Variants in PDZRN3 observed in about 807,000 individuals in gnomAD.
PDZRN3 encodes E3 ubiquitin-protein ligase PDZRN3.
A neutral mutation model predicts 85.7 loss-of-function variants in PDZRN3; 38 were observed. That is an observed-to-expected ratio of 0.44 (90% confidence interval 0.34 to 0.58). The LOEUF is 0.58. Ranked by LOEUF, PDZRN3 falls within the 20% of genes least tolerant of loss-of-function variation. PDZRN3 has a pLI of 0.01. For missense variants in PDZRN3, 1,629 were observed against 1,506.4 expected (o/e 1.08, Z -1.35); for synonymous variants, 759 against 638.0 (o/e 1.19, Z -2.86).
chr3:73,623,389 T>G (rs1702898388), intron 1 of PDZRN3, among the ~76,000 whole-genome samples: 1 of 152,210 alleles, frequency 6.6e-6, no homozygotes, highest in African/African-American at 2.4e-5. Flanking sequence ...GGCAGAGTGC[T>G]CCTTTAATTC....
chr3:73,609,593 T>C (rs945222224), intron 1 of PDZRN3, among the ~76,000 whole-genome samples: 1 of 152,262 alleles, frequency 6.6e-6, no homozygotes, highest in East Asian at 1.9e-4. Context: ...GTACTGCCTA[T>C]AAATCGGCAT....
chr3:73,409,263 A>C (rs1045713052), intron 3 of PDZRN3, among the ~76,000 whole-genome samples: 1 of 152,186 alleles, frequency 6.6e-6, no homozygotes. Flanking sequence ...AAGACAGACA[A>C]TTATGCTGAG....
intron 3 of PDZRN3, among the ~76,000 whole-genome samples, chr3:73,407,184 C>T (rs1277762357): frequency 6.6e-6 from 1 of 152,162 alleles, no homozygotes; most frequent in African/African-American, 2.4e-5. Context: ...GAGGTTTTGT[C>T]CATCCTTAAA....
intron 3 of PDZRN3, among the ~76,000 whole-genome samples, chr3:73,584,301 T>A (rs1000480215): frequency 3.3e-5 from 5 of 152,108 alleles, no homozygotes; most frequent in Non-Finnish European, 7.3e-5. Flanking sequence ...AAAAAAATGA[T>A]CAATAGAGAA....
Position 73,404,326 on chromosome 3 carries a change from G to A in PDZRN3, c.988C>T (p.Pro330Ser), listed in dbSNP as rs1292534777. Residue 330 changes from proline to serine, a missense_variant, in exon 4 of 10, where the codon CCC becomes TCC. Coordinates refer to ENST00000263666, the MANE Select transcript of PDZRN3 (RefSeq NM_015009.3). Reference protein sequence around the residue: ...AVEAFKTAKEPIVVQVLRRTP... With the variant: ...AVEAFKTAKESIVVQVLRRTP... The stretch of plus-strand genomic sequence containing the variant: ...CTTCTCAACACCTGCACCACTATGG[G>A]CTCCTTGGCTGTCTTGAAAGCTTCC... The A allele has an allele frequency of 1.9e-6, 3 of 1,614,138 alleles. No homozygotes were observed. Among genetic ancestry groups the A allele is most frequent in the Non-Finnish European group, 1.7e-6 (2 of 1,180,020 alleles).
intron 3 of PDZRN3, chr3:73,561,421 G>A (rs534007421): frequency 6.6e-6 from 1 of 152,334 alleles, no homozygotes; most frequent in African/African-American, 2.4e-5. Context: ...TCCACAGCAT[G>A]TCAAGAAGGG....
At chr3:73,581,395 C>T (rs1396836206) in intron 3 of PDZRN3, among the ~76,000 whole-genome samples, 2 of 151,984 alleles carry the variant, frequency 1.3e-5, no homozygotes, top group African/African-American at 4.8e-5. Flanking sequence ...TGGGTGTGAA[C>T]GCATGATTTA....
intron 3 of PDZRN3, among the ~76,000 whole-genome samples, chr3:73,578,371 T>C (rs6785011): frequency 0.57 from 86,003 of 151,666 alleles, 24,490 homozygotes; most frequent in Admixed American, 0.59. Context: ...GGGGTTTCAC[T>C]GTGTTAGCCA....
At chr3:73,536,913 T>C (rs1445718118) in intron 3 of PDZRN3, among the ~76,000 whole-genome samples, 1 of 152,126 alleles carries the variant, frequency 6.6e-6, no homozygotes, top group African/African-American at 2.4e-5. Context: ...AGAGTTGTTT[T>C]CGTTGCATAT....
chr3:73,509,706 C>T (rs1237103913), intron 3 of PDZRN3, among the ~76,000 whole-genome samples: 2 of 152,208 alleles, frequency 1.3e-5, no homozygotes, highest in Non-Finnish European at 2.9e-5. Flanking sequence ...ACAGCCTCTT[C>T]TCTTACTGCC....
intron 3 of PDZRN3, among the ~76,000 whole-genome samples, chr3:73,441,411 C>CCA (rs1336877173): frequency 4.4e-5 from 3 of 68,162 alleles, no homozygotes; most frequent in Admixed American, 2.3e-4. Context: ...GACTCTGTCC[C>CCA]AAAAAAAAAA....
chr3:73,469,225 A>G (rs1703285368), intron 3 of PDZRN3, among the ~76,000 whole-genome samples: 2 of 152,046 alleles, frequency 1.3e-5, no homozygotes, highest in Admixed American at 1.3e-4. Flanking sequence ...GGTGCCCACC[A>G]CCATGCCCAG....
intron 4 of PDZRN3, 80 bp from the exon 5 acceptor site, chr3:73,401,089 G>C: frequency 9.8e-7 from 1 of 1,023,506 alleles, no homozygotes; most frequent in Non-Finnish European, 1.6e-6. Flanking sequence ...TCAGGCCAGT[G>C]GCACAGTAGC....
intron 2 of PDZRN3, among the ~76,000 whole-genome samples, 198 bp downstream of exon 2, chr3:73,608,400 T>C (rs1034464623): frequency 6.6e-6 from 1 of 152,156 alleles, no homozygotes; most frequent in Non-Finnish European, 1.5e-5. Flanking sequence ...GTTATATTAC[T>C]AGGCCAATGC....
intron 3 of PDZRN3, among the ~76,000 whole-genome samples, chr3:73,450,930 T>TAA (rs373677054): frequency 6.9e-6 from 1 of 144,230 alleles, no homozygotes. Context: ...TCATGCTCTT[T>TAA]AAAAAAAAAA....
intron 3 of PDZRN3, among the ~76,000 whole-genome samples, chr3:73,566,926 T>C (rs1164222489): frequency 1.3e-5 from 2 of 152,182 alleles, no homozygotes; most frequent in African/African-American, 2.4e-5. Context: ...ACTTGGATCC[T>C]TGACAAGGCC....
intron 3 of PDZRN3, among the ~76,000 whole-genome samples, chr3:73,555,007 T>C (rs1701659129): frequency 6.6e-6 from 1 of 152,258 alleles, no homozygotes; most frequent in African/African-American, 2.4e-5. Context: ...CCTGACTGGC[T>C]GTCGCCTATT....
intron 3 of PDZRN3, among the ~76,000 whole-genome samples, chr3:73,552,090 C>G (rs1701574705): frequency 6.6e-6 from 1 of 152,196 alleles, no homozygotes; most frequent in Non-Finnish European, 1.5e-5. Context: ...AAGCGAAACA[C>G]TCCAATCACC....
chr3:73,401,365 T>C (rs529752299), intron 4 of PDZRN3, among the ~76,000 whole-genome samples: 130 of 152,278 alleles, frequency 8.5e-4, no homozygotes, highest in African/African-American at 3.0e-3. Flanking sequence ...TATTGCTTCA[T>C]TGTTAGATTT....
Sources: gnomAD v4.1 joint callset for allele counts (sites outside exome capture counted in the v4.1 genomes callset) on GRCh38, gnomAD v4.1.1 for gene constraint, MANE v1.5 for transcripts, NCBI Gene and HGNC (gene_info 2026-07-23, HGNC 2026-07-21) for gene names.